SBF2: variants seen among roughly 807,000 people sequenced by gnomAD.
SBF2 encodes SET binding factor 2, also known as myotubularin-related protein 13.
A neutral mutation model predicts 225.2 loss-of-function variants in SBF2; 112 were observed. The observed-to-expected ratio is 0.50, with a 90% CI of 0.43 to 0.58. The LOEUF (loss-of-function observed/expected upper bound fraction) is 0.58, where lower values mean the gene tolerates loss of function less well. SBF2 is among the 20% of genes least tolerant of loss of function. The pLI, the probability that SBF2 is intolerant of heterozygous loss-of-function variation, is 0.00. For synonymous variants in SBF2, 763 were observed against 773.3 expected (o/e 0.99, Z 0.22); for missense variants, 1,996 against 2,206.2 (o/e 0.90, Z 1.91).
intron 2 of SBF2, among the ~76,000 whole-genome samples, chr11:10,172,301 A>G (rs963173847): frequency 7.3e-5 from 11 of 151,694 alleles, no homozygotes; most frequent in Non-Finnish European, 1.3e-4. Context: ...TACTGTTTTC[A>G]CTATATTCCA....
chr11:10,261,565 G>A (rs1961434797), intron 1 of SBF2, among the ~76,000 whole-genome samples: 1 of 152,136 alleles, frequency 6.6e-6, no homozygotes, highest in African/African-American at 2.4e-5. Context: ...GGGAAAAGAT[G>A]TGGTCGTTTC....
At chr11:10,231,720 T>A (rs1958854294) in intron 1 of SBF2, among the ~76,000 whole-genome samples, 1 of 152,174 alleles carries the variant, frequency 6.6e-6, no homozygotes, top group Non-Finnish European at 1.5e-5. Context: ...CCACCCCTAC[T>A]GGGGGGTGCC....
At chr11:10,176,411 T>C (rs1404358179) in intron 2 of SBF2, among the ~76,000 whole-genome samples, 3 of 151,876 alleles carry the variant, frequency 2.0e-5, no homozygotes, top group Admixed American at 1.3e-4. Context: ...AGCTGGTTTT[T>C]TGAAAGGATC....
chr11:9,898,685 T>C (rs1263472976), intron 16 of SBF2, among the ~76,000 whole-genome samples: 2 of 152,090 alleles, frequency 1.3e-5, no homozygotes, highest in African/African-American at 4.8e-5. Flanking sequence ...AAAAGGATTA[T>C]AAGATAAATC....
chr11:9,897,213 C>T (rs1052600643), intron 16 of SBF2, among the ~76,000 whole-genome samples: 1 of 152,006 alleles, frequency 6.6e-6, no homozygotes, highest in African/African-American at 2.4e-5. Context: ...AATTCTGACA[C>T]ATGCTACCAC....
intron 6 of SBF2, among the ~76,000 whole-genome samples, chr11:10,010,716 T>C (rs1287926311): frequency 2.0e-5 from 3 of 151,672 alleles, no homozygotes; most frequent in Admixed American, 2.0e-4. Context: ...GTCTTGGCTA[T>C]ACAGGCTCTT....
At chr11:10,019,944 G>T (rs1211364488) in intron 6 of SBF2, among the ~76,000 whole-genome samples, 1 of 152,044 alleles carries the variant, frequency 6.6e-6, no homozygotes, top group Non-Finnish European at 1.5e-5. Context: ...TTTTAGGAAC[G>T]TAAGTTATTT....
chr11:10,048,874 T>C (rs182189528), intron 2 of SBF2, among the ~76,000 whole-genome samples: 19 of 152,208 alleles, frequency 1.2e-4, no homozygotes, highest in Non-Finnish European at 2.2e-4. Context: ...AAGTGCCCAG[T>C]AGACCAACAG....
At chr11:9,792,189 T>C (rs1590094369) in intron 33 of SBF2, among the ~76,000 whole-genome samples, 1 of 152,226 alleles carries the variant, frequency 6.6e-6, no homozygotes, top group East Asian at 1.9e-4. Flanking sequence ...CCCAGCACTT[T>C]GGGAGGCTGA....
At chr11:10,054,065 C>G (rs903617821) in intron 2 of SBF2, among the ~76,000 whole-genome samples, 3 of 152,086 alleles carry the variant, frequency 2.0e-5, no homozygotes, top group African/African-American at 7.2e-5. Context: ...TAATAAGCAG[C>G]TTTTGATAAA....
rs78119981 is a variant in SBF2, at chr11:9,790,521, T to G, written c.4698+35A>C. 2,209 of 1,549,570 alleles carry G rather than the reference T, an allele frequency of 1.4e-3. 28 individuals are homozygous for G. In the African/African-American group the frequency reaches 0.025, roughly 18 times the overall value. ...CTAAGGAAAACCTTAACACAAAATT[T>G]CAGAAAGTGAAACATAAATGATTTC... On this transcript the variant is annotated intron_variant, in intron 34 of 39. Transcript: ENST00000256190.
chr11:9,954,653 T>C (rs1866046265), intron 16 of SBF2, among the ~76,000 whole-genome samples: 1 of 152,078 alleles, frequency 6.6e-6, no homozygotes, highest in Non-Finnish European at 1.5e-5. Flanking sequence ...AAACAACTCC[T>C]GAGTAAATCA....
At chr11:10,104,721 C>G (rs1952475700) in intron 2 of SBF2, among the ~76,000 whole-genome samples, 1 of 152,176 alleles carries the variant, frequency 6.6e-6, no homozygotes, top group African/African-American at 2.4e-5. Flanking sequence ...GGTGGGGAGA[C>G]AGATTCTTAT....
intron 2 of SBF2, among the ~76,000 whole-genome samples, chr11:10,100,584 A>G (rs1952248776): frequency 6.6e-6 from 1 of 151,992 alleles, no homozygotes; most frequent in African/African-American, 2.4e-5. Context: ...ATGGCAGGGT[A>G]TATGTCTGTA....
chr11:10,157,634 C>T (rs1326214276), intron 2 of SBF2, among the ~76,000 whole-genome samples: 1 of 152,124 alleles, frequency 6.6e-6, no homozygotes, highest in East Asian at 1.9e-4. Flanking sequence ...TTAGGGCTCC[C>T]ACTGATTCTA....
At chr11:9,899,336 A>AT (rs1016457584) in intron 16 of SBF2, among the ~76,000 whole-genome samples, 8 of 100,516 alleles carry the variant, frequency 8.0e-5, no homozygotes, top group East Asian at 2.5e-4. Flanking sequence ...TCTACAAAAA[A>AT]TTAAAAAAAA....
chr11:9,805,635 T>C (rs540476561), intron 32 of SBF2, among the ~76,000 whole-genome samples: 15 of 151,978 alleles, frequency 9.9e-5, no homozygotes, highest in South Asian at 6.2e-4. Flanking sequence ...TTTTTTTTTT[T>C]CCCCCAAGAC....
intron 1 of SBF2, among the ~76,000 whole-genome samples, chr11:10,205,055 T>C (rs1309696469): frequency 6.6e-6 from 1 of 151,858 alleles, no homozygotes; most frequent in Non-Finnish European, 1.5e-5. Flanking sequence ...AAATAGCTAA[T>C]GCTTGTGGGG....
intron 16 of SBF2, among the ~76,000 whole-genome samples, chr11:9,904,591 T>A (rs1477926059): frequency 1.3e-5 from 2 of 152,216 alleles, no homozygotes; most frequent in Non-Finnish European, 2.9e-5. Flanking sequence ...AAAGAAATAC[T>A]GTAAACGTTA....
Sources: gnomAD v4.1 joint callset for allele counts (sites outside exome capture counted in the v4.1 genomes callset) on GRCh38, gnomAD v4.1.1 for gene constraint, MANE v1.5 for transcripts, NCBI Gene and HGNC (gene_info 2026-07-23, HGNC 2026-07-21) for gene names.